Variants in ABCC4 observed in about 807,000 individuals in gnomAD.
ABCC4 encodes ATP binding cassette subfamily C member 4 (PEL blood group), also known as ATP-binding cassette sub-family C member 4.
ABCC4 carries 102 observed loss-of-function variants against 168.5 expected under a neutral mutation model. The observed-to-expected ratio is 0.61, with a 90% confidence interval of 0.52 to 0.71. ABCC4 has a LOEUF of 0.71. Among genes scored for constraint, ABCC4 ranks in the 30% least tolerant of loss-of-function variants. The pLI is 0.00. For missense variants in ABCC4, 1,402 were observed against 1,605.8 expected, an observed-to-expected ratio of 0.87 and a Z score of 2.17; for synonymous variants, 617 against 590.7, an observed-to-expected ratio of 1.04 and a Z score of -0.65.
intron 15 of ABCC4, among the ~76,000 whole-genome samples, chr13:95,164,820 G>A (rs916621748): frequency 6.6e-6 from 1 of 151,998 alleles, no homozygotes; most frequent in Non-Finnish European, 1.5e-5. Context: ...TCAGCCTCCT[G>A]AGTAGCAGGG....
chr13:95,270,850 C>T (rs1217727602), intron 1 of ABCC4, among the ~76,000 whole-genome samples: 1 of 152,206 alleles, frequency 6.6e-6, no homozygotes, highest in African/African-American at 2.4e-5. Context: ...AATCCCAGCA[C>T]TTTGGGAGGC....
chr13:95,072,253 G>A (rs1171527209), intron 24 of ABCC4, among the ~76,000 whole-genome samples: 3 of 152,328 alleles, frequency 2.0e-5, no homozygotes, highest in Admixed American at 2.0e-4. Context: ...CTAAGGTCAG[G>A]TGTTTGACAC....
chr13:95,254,070 T>C (rs916008049), intron 1 of ABCC4, among the ~76,000 whole-genome samples: 2 of 152,036 alleles, frequency 1.3e-5, no homozygotes, highest in Non-Finnish European at 2.9e-5. Context: ...TTTTTTTAAG[T>C]ATATTTTTGT....
At chr13:95,047,464 A>AT (rs139228772) in intron 27 of ABCC4, among the ~76,000 whole-genome samples, 20,613 of 142,446 alleles carry the variant, frequency 0.14, 1,826 homozygotes, top group African/African-American at 0.22. Context: ...GGACAATGAA[A>AT]TACTGCCTAT....
intron 1 of ABCC4, among the ~76,000 whole-genome samples, chr13:95,291,281 G>C (rs918353952): frequency 6.6e-6 from 1 of 151,902 alleles, no homozygotes; most frequent in Non-Finnish European, 1.5e-5. Flanking sequence ...CTTGAGCCTG[G>C]GAAGTCAAGG....
chr13:95,163,888 G>A (rs1208933468), intron 16 of ABCC4, among the ~76,000 whole-genome samples: 1 of 151,712 alleles, frequency 6.6e-6, no homozygotes, highest in African/African-American at 2.4e-5. Context: ...ACAAAAATTA[G>A]CCTAGCTGGG....
chr13:95,140,719 A>T (rs1388124451), intron 19 of ABCC4, among the ~76,000 whole-genome samples: 1 of 152,166 alleles, frequency 6.6e-6, no homozygotes, highest in African/African-American at 2.4e-5. Flanking sequence ...GTTTGCAGTT[A>T]TATTCTTGGC....
Position 95,043,685 on chromosome 13 carries a change from T to G in ABCC4, c.3732A>C (p.Ile1244=), listed in dbSNP as rs781054567. ...ATTCCGCAGGTGAAGGACTCACCAT[T>G]ATCTTGTCGCTGTCAATAATGGTGT... ...RLNTIIDSDK[I]MVLDSGRLKE... The change falls in exon 29 of 31, where the codon ATA becomes ATC. Residue 1244 remains isoleucine, a synonymous_variant. Transcript: ENST00000645237. 1.2e-6 allele frequency: 2 copies of G among 1,610,942 alleles called. No homozygotes were observed. The highest frequency in any genetic ancestry group is 1.7e-5 in the Admixed American group (1 of 59,914).
chr13:95,030,409 T>A (rs1309413048), intron 30 of ABCC4, among the ~76,000 whole-genome samples: 1 of 152,094 alleles, frequency 6.6e-6, no homozygotes, highest in East Asian at 1.9e-4. Flanking sequence ...TCAAATTAGG[T>A]CGGCTTCATC....
At chr13:95,067,011 G>A (rs1434758775) in intron 25 of ABCC4, among the ~76,000 whole-genome samples, 1 of 152,198 alleles carries the variant, frequency 6.6e-6, no homozygotes, top group Admixed American at 6.5e-5. Flanking sequence ...GGAAGAACTG[G>A]CACCCACAGA....
chr13:95,107,173 C>T (rs1389831964), intron 20 of ABCC4, among the ~76,000 whole-genome samples: 2 of 152,158 alleles, frequency 1.3e-5, no homozygotes, highest in Admixed American at 6.5e-5. Flanking sequence ...AGGACAATCA[C>T]TTGGAACAGG....
intron 26 of ABCC4, among the ~76,000 whole-genome samples, chr13:95,060,285 G>A (rs1038696414): frequency 2.0e-5 from 3 of 152,190 alleles, no homozygotes; most frequent in African/African-American, 7.2e-5. Flanking sequence ...AAAGTAGGGT[G>A]GAAACTTATG....
At chr13:95,221,816 C>T (rs1288950449) in intron 4 of ABCC4, among the ~76,000 whole-genome samples, 1 of 151,952 alleles carries the variant, frequency 6.6e-6, no homozygotes, top group African/African-American at 2.4e-5. Flanking sequence ...ATAAATAAAT[C>T]ATTGGCCATG....
rs1317510298 is a variant in ABCC4 at position 95,210,779 on chromosome 13, T to C, written c.534A>G (p.Ala178=). 1 of 1,612,916 alleles carries C rather than the reference T, an allele frequency of 6.2e-7. No individual in the cohort carries two copies. The highest frequency in any genetic ancestry group is 8.5e-7 in the Non-Finnish European group (1 of 1,178,942). Residue 178 remains alanine, a splice_region_variant and synonymous_variant, in exon 5 of 31, where the codon GCA becomes GCG. Coordinates refer to ENST00000645237, the MANE Select transcript of ABCC4 (RefSeq NM_005845.5). Reference sequence around the variant, plus strand: ...CCATGGCCATGTTACTAAGACGAAGTGCCTGAAATAAAAGAGGTAAGTAGA... The same window carrying C: ...CCATGGCCATGTTACTAAGACGAAGCGCCTGAAATAAAAGAGGTAAGTAGA... ...VAMCHMIYRK[A]LRLSNMAMGK... is the part of the protein sequence containing the mutation.
In ABCC4 at chr13:95,265,668, T is replaced by G. The variant is rs541021363; in HGVS notation, c.75-17915A>C. On this transcript the variant is annotated intron_variant, in intron 1 of 30. Coordinates refer to ENST00000645237, the MANE Select transcript of ABCC4 (RefSeq NM_005845.5). ...GGAGACCCACGCTAAGAGGAGAGCA[T>G]GCACCCAGACACAGAACTCAGAGGA... is the stretch of plus-strand genomic sequence containing the variant. Among the ~76,000 whole-genome samples, 4 of 152,080 alleles carry G rather than the reference T, an allele frequency of 2.6e-5. No individual in the cohort carries two copies. In the East Asian group the frequency reaches 7.8e-4, roughly 29 times the overall value.
intron 20 of ABCC4, among the ~76,000 whole-genome samples, chr13:95,088,521 G>C (rs2034329541): frequency 6.6e-6 from 1 of 151,990 alleles, no homozygotes; most frequent in Non-Finnish European, 1.5e-5. Context: ...ATATTATACA[G>C]AATATATTCT....
chr13:95,210,897 G>T, intron 4 of ABCC4, 116 bp from the exon 5 acceptor site: 1 of 644,316 alleles, frequency 1.6e-6, no homozygotes. Flanking sequence ...CTAAGCACAA[G>T]CATCCCCACC....
At chr13:95,105,163 C>G (rs1235027477) in intron 20 of ABCC4, among the ~76,000 whole-genome samples, 1 of 151,912 alleles carries the variant, frequency 6.6e-6, no homozygotes, top group Non-Finnish European at 1.5e-5. Context: ...AAGGTAGATG[C>G]AAGCTAGATC....
intron 1 of ABCC4, among the ~76,000 whole-genome samples, chr13:95,284,941 T>C (rs1337601160): frequency 6.6e-6 from 1 of 152,178 alleles, no homozygotes; most frequent in Non-Finnish European, 1.5e-5. Context: ...ATAATTATAA[T>C]GTCTAAATAT....
Sources: gnomAD v4.1 joint callset for allele counts (sites outside exome capture counted in the v4.1 genomes callset) on GRCh38, gnomAD v4.1.1 for gene constraint, MANE v1.5 for transcripts, NCBI Gene and HGNC (gene_info 2026-07-23, HGNC 2026-07-21) for gene names.